The following IL4R variants were observed in gnomAD, a reference collection of about 807,000 sequenced individuals.
The protein encoded by IL4R is interleukin-4 receptor subunit alpha.
IL4R carries 17 observed loss-of-function variants against 41.5 expected under a neutral mutation model. That is an observed-to-expected ratio of 0.41 (90% CI 0.28 to 0.61). IL4R has a LOEUF of 0.61. Among genes scored for constraint, IL4R ranks in the 20% least tolerant of loss-of-function variants. The pLI, the probability that IL4R is intolerant of heterozygous loss-of-function variation, is 0.31. For missense variants in IL4R, 974 were observed against 1,043.1 expected, an observed-to-expected ratio of 0.93 and a Z score of 0.91; for synonymous variants, 402 against 422.9, an observed-to-expected ratio of 0.95 and a Z score of 0.61.
At chr16:27,354,576 C>T (rs1002050456) in intron 7 of IL4R, among the ~76,000 whole-genome samples, 2 of 152,202 alleles carry the variant, frequency 1.3e-5, no homozygotes, top group Admixed American at 6.5e-5. Context: ...GAAAAAGGAA[C>T]AGGATAATCG....
intron 2 of IL4R, among the ~76,000 whole-genome samples, chr16:27,335,354 C>T (rs1365562157): frequency 6.6e-6 from 1 of 152,080 alleles, no homozygotes; most frequent in Non-Finnish European, 1.5e-5. Flanking sequence ...TAAAATAGAG[C>T]TTTCCCTTCT....
intron 2 of IL4R, among the ~76,000 whole-genome samples, chr16:27,338,914 C>T (rs930951362): frequency 2.0e-5 from 3 of 152,012 alleles, no homozygotes; most frequent in African/African-American, 4.8e-5. Flanking sequence ...AGTACAATGA[C>T]GCGATCTCGA....
chr16:27,338,030 C>T (rs1422529020), intron 2 of IL4R, among the ~76,000 whole-genome samples: 2 of 149,370 alleles, frequency 1.3e-5, no homozygotes, highest in African/African-American at 4.9e-5. Context: ...GGTCTCGGCT[C>T]GCTGCAACCT....
intron 2 of IL4R, among the ~76,000 whole-genome samples, chr16:27,339,921 G>C (rs961919255): frequency 6.6e-6 from 1 of 152,194 alleles, no homozygotes; most frequent in Admixed American, 6.5e-5. Flanking sequence ...GCCAGGTGTG[G>C]TGGTGGGCAC....
intron 4 of IL4R, among the ~76,000 whole-genome samples, chr16:27,344,306 A>G (rs2085544493): frequency 6.7e-6 from 1 of 148,856 alleles, no homozygotes; most frequent in African/African-American, 2.5e-5. Context: ...TTGTCTCAGG[A>G]AAAAAAAACA....
At chr16:27,321,764 G>A (rs1352123609) in intron 1 of IL4R, among the ~76,000 whole-genome samples, 1 of 152,168 alleles carries the variant, frequency 6.6e-6, no homozygotes, top group Non-Finnish European at 1.5e-5. Flanking sequence ...GTTACACAAT[G>A]TTATTCACTG....
chr16:27,347,113 G>C (rs905849751), intron 6 of IL4R, among the ~76,000 whole-genome samples: 4 of 152,312 alleles, frequency 2.6e-5, no homozygotes, highest in African/African-American at 7.2e-5. Context: ...ACTTTCCCAA[G>C]AAAACAAGAT....
At chr16:27,342,537 TC>T (rs2085477698) in intron 4 of IL4R, among the ~76,000 whole-genome samples, 1 of 152,190 alleles carries the variant, frequency 6.6e-6, no homozygotes, top group Non-Finnish European at 1.5e-5. Context: ...GGACCCTTTT[TC>T]ACACTTAAAA....
rs527435585 is a variant in IL4R at position 27,361,916 on chromosome 16, G to A, written c.900-336G>A. Among the ~76,000 whole-genome samples, 83 of 152,174 alleles carry A rather than the reference G, an allele frequency of 5.5e-4. No individual in the cohort carries two copies. The South Asian group carries it at 0.011, about 20-fold the overall frequency. On this transcript the variant is annotated intron_variant, in intron 10 of 10. Coordinates refer to ENST00000395762, the MANE Select transcript of IL4R (RefSeq NM_000418.4). ...ATTACAGGCGTGAGCCACCGCACCC[G>A]GCTTCCATATCCTTTCTAATTGGTC...
intron 3 of IL4R, 126 bp downstream of exon 3, chr16:27,340,399 C>G (rs2141126683): frequency 1.4e-6 from 1 of 698,668 alleles, no homozygotes. Context: ...ACAAGTGGCC[C>G]TGATTATCAG....
chr16:27,319,932 C>T (rs1446533001), intron 1 of IL4R, among the ~76,000 whole-genome samples: 4 of 151,992 alleles, frequency 2.6e-5, no homozygotes, highest in Admixed American at 6.6e-5. Flanking sequence ...TGCAATGGTG[C>T]GATCTTGGCT....
intron 1 of IL4R, 61 bp downstream of exon 1, chr16:27,314,081 G>C: frequency 1.0e-6 from 1 of 985,188 alleles, no homozygotes; most frequent in Non-Finnish European, 1.2e-6. Context: ...CACGCCGGCT[G>C]AGGGCGTTCG....
At chr16:27,352,258 C>T (rs2085903298) in intron 6 of IL4R, among the ~76,000 whole-genome samples, 1 of 152,202 alleles carries the variant, frequency 6.6e-6, no homozygotes, top group Non-Finnish European at 1.5e-5. Flanking sequence ...GACTCTTACC[C>T]TTGTTTTACA....
In IL4R at chr16:27,363,138, G is replaced by A. The variant is rs1413371166; in HGVS notation, c.1786G>A (p.Gly596Ser). ...GTQASAVVGL[G>S]PPGEAGYKAF... ...CCAGGCCAGTGCGGTGGTGGGCTTG[G>A]GTCCCCCAGGAGAGGCTGGTTACAA... The change falls in exon 11 of 11, where the codon GGT (glycine) becomes AGT (serine). Residue 596 changes from glycine (G) to serine (S), a missense_variant. Gly to Ser is a moderately conservative substitution (Grantham distance 56, BLOSUM62 0). This residue lies in a region of IL4R where 682 missense variants were observed against 704.3 expected (regional missense o/e 0.97). Transcript: ENST00000395762. The A allele has an allele frequency of 6.2e-7, 1 of 1,613,728 alleles. No individual in the cohort carries two copies. Among genetic ancestry groups the A allele is most frequent in the South Asian group, 1.1e-5 (1 of 91,036 alleles).
chr16:27,340,322 C>A, intron 3 of IL4R, 49 bp downstream of exon 3: 1 of 1,442,350 alleles, frequency 6.9e-7, no homozygotes, highest in Non-Finnish European at 9.8e-7. Flanking sequence ...TAATGGCGTG[C>A]CAGGGTCCTG....
At position 27,352,592 on chromosome 16, in the gene IL4R, G is replaced by C. The variant is rs746758355; in HGVS notation, c.566G>C (p.Ser189Thr). Residue 189 changes from serine (S) to threonine (T), a missense_variant, in exon 7 of 11, where the codon AGC becomes ACC. Physicochemically the swap from Ser to Thr is moderately conservative, Grantham distance 58 (BLOSUM62 1). Transcript: ENST00000395762. ...GAACCCTCCCTCCGCATCGCAGCCA[G>C]CACCCTGAAGTCTGGGATTTCCTAC... Reference protein sequence around the residue: ...YLEPSLRIAASTLKSGISYRA... With the variant: ...YLEPSLRIAATTLKSGISYRA... 1 of 1,613,954 alleles carries C rather than the reference G, an allele frequency of 6.2e-7. No homozygotes were observed. The highest frequency in any genetic ancestry group is 8.5e-7 in the Non-Finnish European group (1 of 1,179,960).
chr16:27,322,301 C>T (rs750268315), intron 1 of IL4R, among the ~76,000 whole-genome samples: 19 of 152,000 alleles, frequency 1.3e-4, no homozygotes, highest in African/African-American at 4.1e-4. Context: ...TGCATTTTCC[C>T]GAGTAGCTGG....
At chr16:27,341,970 AG>A in intron 3 of IL4R, 150 bp from the exon 4 acceptor site, 1 of 728,822 alleles carries the variant, frequency 1.4e-6, no homozygotes, top group Non-Finnish European at 2.2e-6. Flanking sequence ...AAGCTCCAGC[AG>A]CCCTGGTCCT....
intron 2 of IL4R, among the ~76,000 whole-genome samples, chr16:27,339,407 A>C (rs2085367168): frequency 6.6e-6 from 1 of 152,064 alleles, no homozygotes; most frequent in Non-Finnish European, 1.5e-5. Context: ...GAGACTTTAA[A>C]GTGTTCCGGT....
Sources: gnomAD v4.1 joint callset for allele counts (sites outside exome capture counted in the v4.1 genomes callset) on GRCh38, gnomAD v4.1.1 for gene constraint, gnomAD v4.1.1 regional missense constraint, MANE v1.5 for transcripts, NCBI Gene and HGNC (gene_info 2026-07-23, HGNC 2026-07-21) for gene names.